DMD: variants seen among roughly 807,000 people sequenced by gnomAD.
The protein encoded by DMD is mutant dystrophin.
In DMD, 63 loss-of-function variants were observed where a neutral mutation model predicts 330.1. The observed-to-expected ratio is 0.19, with a 90% CI of 0.16 to 0.24. DMD has a LOEUF of 0.24. Ranked by LOEUF, DMD falls within the 10% of genes least tolerant of loss-of-function variation. DMD has a pLI of 1.00. For synonymous variants in DMD, 1,223 were observed against 959.8 expected, an observed-to-expected ratio of 1.27 and a Z score of -5.07; for missense variants, 3,344 against 2,684.1, an observed-to-expected ratio of 1.25 and a Z score of -5.43.
intron 53 of DMD, among the ~76,000 whole-genome samples, chrX:31,659,640 A>T (rs1299889): frequency 2.0e-5 from 1 of 51,186 alleles, no homozygotes; most frequent in Non-Finnish European, 3.2e-5. Flanking sequence ...TCCATCTCGG[A>T]AAAAAAAAAA....
chrX:32,640,496 A>G (rs1207330271), intron 11 of DMD, among the ~76,000 whole-genome samples: 2 of 110,619 alleles, frequency 1.8e-5, no homozygotes, highest in African/African-American at 6.6e-5. Flanking sequence ...CTTGTTTTGC[A>G]TAATTGTTGA....
At chrX:31,439,313 C>T (rs1432133477) in intron 60 of DMD, among the ~76,000 whole-genome samples, 1 of 111,508 alleles carries the variant, frequency 9.0e-6, no homozygotes, top group Non-Finnish European at 1.9e-5. Context: ...CAAACAGGAT[C>T]ATTACAATGT....
chrX:31,517,324 C>G (rs754124696), intron 55 of DMD, among the ~76,000 whole-genome samples: 2 of 111,163 alleles, frequency 1.8e-5, no homozygotes, highest in East Asian at 5.6e-4. Flanking sequence ...TCACTTTCTG[C>G]CATGACTCCA....
intron 59 of DMD, among the ~76,000 whole-genome samples, chrX:31,474,784 G>T (rs1209270207): frequency 9.1e-6 from 1 of 109,379 alleles, no homozygotes; most frequent in Non-Finnish European, 1.9e-5. Context: ...TATTAGAAAA[G>T]TTCCCTACAG....
intron 43 of DMD, among the ~76,000 whole-genome samples, chrX:32,244,145 C>T (rs1031155973): frequency 6.7e-5 from 6 of 90,176 alleles, no homozygotes; most frequent in South Asian, 6.6e-4. Context: ...GTGATATTCC[C>T]CTTCCTGTGT....
intron 52 of DMD, among the ~76,000 whole-genome samples, chrX:31,703,061 G>C (rs1391708849): frequency 9.1e-6 from 1 of 110,047 alleles, no homozygotes; most frequent in Non-Finnish European, 1.9e-5. Context: ...TCATCAAGTT[G>C]ACCAGGCTGG....
At chrX:32,426,356 G>A (rs2098212709) in intron 29 of DMD, among the ~76,000 whole-genome samples, 1 of 111,881 alleles carries the variant, frequency 8.9e-6, no homozygotes, top group Non-Finnish European at 1.9e-5. Flanking sequence ...CGACACACAT[G>A]TGGCCAACAA....
At chrX:32,678,339 C>A (rs756780576) in intron 9 of DMD, among the ~76,000 whole-genome samples, 1 of 112,163 alleles carries the variant, frequency 8.9e-6, no homozygotes, top group South Asian at 3.6e-4. Context: ...TAACAATTTT[C>A]AACACATTTT....
At chrX:31,844,919 C>T (rs2093385986) in intron 48 of DMD, among the ~76,000 whole-genome samples, 1 of 110,268 alleles carries the variant, frequency 9.1e-6, no homozygotes, top group South Asian at 3.9e-4. Flanking sequence ...GTAGTGTACA[C>T]CTGACTTCTA....
At chrX:32,875,906 A>C (rs72626052) in intron 2 of DMD, among the ~76,000 whole-genome samples, 7,468 of 111,261 alleles carry the variant, frequency 0.067, 254 homozygotes, top group Middle Eastern at 0.15. Flanking sequence ...AACTGTGTAT[A>C]ATATCCTTTT....
At chrX:31,226,666 A>T (rs1383622999) in intron 63 of DMD, among the ~76,000 whole-genome samples, 3 of 110,744 alleles carry the variant, frequency 2.7e-5, no homozygotes, top group Non-Finnish European at 5.7e-5. Context: ...GTCTCAGCCA[A>T]CTCATGGTAT....
At chrX:31,476,397 G>GTGTGTATATATA (rs796082098) in intron 59 of DMD, among the ~76,000 whole-genome samples, 1 of 88,334 alleles carries the variant, frequency 1.1e-5, no homozygotes, top group African/African-American at 4.3e-5. Context: ...GTGTGTGTGT[G>GTGTGTATATATA]TATATATATA....
intron 6 of DMD, among the ~76,000 whole-genome samples, chrX:32,810,581 A>G (rs1373003377): frequency 8.9e-6 from 1 of 112,139 alleles, no homozygotes; most frequent in Non-Finnish European, 1.9e-5. Context: ...CTCACACAAC[A>G]TTTAATTCAA....
chrX:31,807,152 T>C (rs1603474168), intron 50 of DMD, among the ~76,000 whole-genome samples: 1 of 111,815 alleles, frequency 8.9e-6, no homozygotes, highest in African/African-American at 3.2e-5. Context: ...CCCATATTCA[T>C]TTCTACGATT....
intron 44 of DMD, among the ~76,000 whole-genome samples, chrX:32,196,986 C>CAAAAA (rs71872245): frequency 0.039 from 1,907 of 49,366 alleles, 197 homozygotes; most frequent in African/African-American, 0.12. Flanking sequence ...GACTCCATCT[C>CAAAAA]AAAAAAAAAA....
rs187707462 is a variant in DMD at position 33,163,726 on chromosome X, C to T, written c.31+47556G>A. Among the ~76,000 whole-genome samples, 451 of 107,437 alleles carry T rather than the reference C, an allele frequency of 4.2e-3. 3 individuals carry two copies. The highest frequency in any genetic ancestry group is 0.015 in the African/African-American group (429 of 29,306). 93.3% of individuals were successfully genotyped at this position (107,437 alleles called of 115,157 possible). A position where few individuals can be genotyped will look rare whatever the true frequency, so the allele number is the denominator to read the frequency against. On this transcript the variant is annotated intron_variant, in intron 1 of 78. Transcript: ENST00000357033. ...CTTACTCATAGTGATAAGGGGACCT[C>T]GTAGCTAAAAAGTCTTGTAGAGGAG...
At chrX:32,683,895 A>C (rs1231915304) in intron 9 of DMD, among the ~76,000 whole-genome samples, 1 of 110,095 alleles carries the variant, frequency 9.1e-6, no homozygotes, top group Non-Finnish European at 1.9e-5. Context: ...ATAATGACTT[A>C]TTTGTTTAAA....
intron 50 of DMD, among the ~76,000 whole-genome samples, chrX:31,803,512 T>C (rs1020398341): frequency 2.7e-5 from 3 of 111,811 alleles, no homozygotes; most frequent in Non-Finnish European, 5.6e-5. Context: ...AGAATACTGC[T>C]AATACCTTGA....
At chrX:31,329,933 T>G (rs941258126) in intron 61 of DMD, among the ~76,000 whole-genome samples, 3 of 82,911 alleles carry the variant, frequency 3.6e-5, no homozygotes, top group African/African-American at 1.5e-4. Context: ...ATCGTGCCAC[T>G]GCACTCCAGC....
Sources: allele counts gnomAD v4.1 joint callset (sites outside exome capture counted in the v4.1 genomes callset), GRCh38; gene constraint gnomAD v4.1.1; transcripts MANE v1.5; gene names NCBI Gene and HGNC (gene_info 2026-07-23, HGNC 2026-07-21).